NTM: variants seen among roughly 807,000 people sequenced by gnomAD.
NTM encodes neurotrimin.
NTM carries 13 observed loss-of-function variants against 42.1 expected under a neutral mutation model. That is an observed-to-expected ratio of 0.31 (90% CI 0.20 to 0.49). NTM has a LOEUF of 0.49. Ranked by LOEUF, NTM falls within the 20% of genes least tolerant of loss-of-function variation. The pLI, the probability that NTM is intolerant of heterozygous loss-of-function variation, is 0.99. For synonymous variants in NTM, 187 were observed against 179.2 expected, an observed-to-expected ratio of 1.04 and a Z score of -0.35; for missense variants, 373 against 452.8, an observed-to-expected ratio of 0.82 and a Z score of 1.60.
chr11:132,215,197 C>G (rs890677757), intron 4 of NTM, among the ~76,000 whole-genome samples: 8 of 152,224 alleles, frequency 5.3e-5, no homozygotes, highest in African/African-American at 1.9e-4. Context: ...TTGTGTCATT[C>G]TTCGAGGGTA....
chr11:132,010,535 C>A (rs2071911278), intron 2 of NTM, among the ~76,000 whole-genome samples: 1 of 151,930 alleles, frequency 6.6e-6, no homozygotes, highest in Non-Finnish European at 1.5e-5. Context: ...CTTGAGCAAA[C>A]CTTAATGAAT....
chr11:131,973,822 A>T (rs762066642), intron 2 of NTM, among the ~76,000 whole-genome samples: 11 of 152,162 alleles, frequency 7.2e-5, no homozygotes, highest in Non-Finnish European at 1.0e-4. Flanking sequence ...GTCTGAGAAA[A>T]ACAACAACGA....
intron 1 of NTM, among the ~76,000 whole-genome samples, chr11:131,821,022 A>G (rs910312776): frequency 2.3e-5 from 3 of 132,828 alleles, no homozygotes; most frequent in African/African-American, 3.6e-5. Flanking sequence ...ATGCCTCCAA[A>G]GGGTTTTTTT....
intron 1 of NTM, among the ~76,000 whole-genome samples, chr11:131,781,124 TAA>T (rs1381358378): frequency 6.6e-6 from 1 of 152,080 alleles, no homozygotes; most frequent in Non-Finnish European, 1.5e-5. Flanking sequence ...AGACTGATTT[TAA>T]AAGAGAGCTC....
At chr11:131,772,533 A>G (rs929758357) in intron 1 of NTM, among the ~76,000 whole-genome samples, 1 of 152,212 alleles carries the variant, frequency 6.6e-6, no homozygotes, top group Non-Finnish European at 1.5e-5. Flanking sequence ...AAGGACAACC[A>G]GCAAGAAAAC....
At chr11:131,633,782 T>A (rs1481368814) in intron 1 of NTM, among the ~76,000 whole-genome samples, 2 of 86,732 alleles carry the variant, frequency 2.3e-5, no homozygotes, top group African/African-American at 6.7e-5. Context: ...TCTCTCTCTC[T>A]CTCTCTCACA....
chr11:132,335,055 C>T lies in NTM; in HGVS notation c.977C>T (p.Ala326Val), dbSNP rs1388071693. The change falls in exon 9 of 9, where the codon GCC becomes GTC. Residue 326 changes from alanine (A) to valine (V), a missense_variant. By Grantham distance (64) the Ala-to-Val change is moderately conservative (BLOSUM62 0). Coordinates refer to ENST00000683400, the MANE Select transcript of NTM (RefSeq NM_001352005.2). The stretch of plus-strand genomic sequence containing the variant: ...TGTGTTCTCTCCACAGGTCCAGGCG[C>T]CGTCAGCGAGGTGAGCAACGGCACG... Reference protein sequence around the residue: ...TALTPWKGPGAVSEVSNGTSR... With the variant: ...TALTPWKGPGVVSEVSNGTSR... The T allele has an allele frequency of 6.2e-7, 1 of 1,612,116 alleles. No homozygotes were observed. The highest frequency in any genetic ancestry group is 2.2e-5 in the East Asian group (1 of 44,826).
chr11:131,494,869 G>A (rs1023254787), intron 1 of NTM, among the ~76,000 whole-genome samples: 1 of 152,194 alleles, frequency 6.6e-6, no homozygotes. Flanking sequence ...GTGGGTGGAG[G>A]CAGCTCTGGG....
chr11:132,217,967 G>T (rs909775357), intron 4 of NTM, among the ~76,000 whole-genome samples: 1 of 152,038 alleles, frequency 6.6e-6, no homozygotes. Flanking sequence ...GCACTAATTG[G>T]CACTAGAGGT....
At chr11:132,019,149 ATTTT>A (rs530484583) in intron 2 of NTM, among the ~76,000 whole-genome samples, 1 of 149,942 alleles carries the variant, frequency 6.7e-6, no homozygotes, top group Non-Finnish European at 1.5e-5. Context: ...ACTTTCCCTA[ATTTT>A]TTTGTTTTTT....
chr11:132,279,033 T>C (rs1033414264), intron 4 of NTM, among the ~76,000 whole-genome samples: 2 of 152,182 alleles, frequency 1.3e-5, no homozygotes, highest in Non-Finnish European at 2.9e-5. Flanking sequence ...ATCATCCAAA[T>C]GGAATGCAAC....
At chr11:132,126,403 C>T (rs993587964) in intron 2 of NTM, among the ~76,000 whole-genome samples, 4 of 152,030 alleles carry the variant, frequency 2.6e-5, no homozygotes, top group Non-Finnish European at 1.5e-5. Context: ...TTCCATCACC[C>T]CCTTCTTTTC....
chr11:132,278,837 T>C (rs191157018), intron 4 of NTM, among the ~76,000 whole-genome samples: 23 of 151,428 alleles, frequency 1.5e-4, no homozygotes, highest in African/African-American at 4.1e-4. Context: ...AGATCCTTTC[T>C]TTGTTCACTC....
intron 4 of NTM, among the ~76,000 whole-genome samples, chr11:132,272,395 C>T (rs2093524309): frequency 6.6e-6 from 1 of 152,078 alleles, no homozygotes; most frequent in South Asian, 2.1e-4. Context: ...TTATCATCAG[C>T]TTGTCAATCT....
intron 3 of NTM, among the ~76,000 whole-genome samples, chr11:132,184,395 C>G (rs1379076951): frequency 6.6e-6 from 1 of 152,154 alleles, no homozygotes; most frequent in Non-Finnish European, 1.5e-5. Context: ...GTGCACTGCC[C>G]CAGTTCCTAC....
At chr11:131,741,187 G>GAGAA (rs1306514636) in intron 1 of NTM, among the ~76,000 whole-genome samples, 1 of 151,546 alleles carries the variant, frequency 6.6e-6, no homozygotes, top group Non-Finnish European at 1.5e-5. Context: ...GAGAGAGAGA[G>GAGAA]AGAGAGAGAG....
intron 1 of NTM, among the ~76,000 whole-genome samples, chr11:131,670,015 G>A (rs950889298): frequency 2.0e-5 from 3 of 152,178 alleles, no homozygotes; most frequent in African/African-American, 7.2e-5. Context: ...AGCTGCTTTT[G>A]TTTTGAAGGC....
intron 1 of NTM, among the ~76,000 whole-genome samples, chr11:131,542,288 A>G (rs1416908974): frequency 1.3e-5 from 2 of 152,200 alleles, no homozygotes; most frequent in African/African-American, 4.8e-5. Context: ...CAAGTGCCTA[A>G]CAGGTCACTA....
intron 1 of NTM, among the ~76,000 whole-genome samples, chr11:131,488,697 G>A (rs1954457208): frequency 6.6e-6 from 1 of 152,106 alleles, no homozygotes; most frequent in African/African-American, 2.4e-5. Flanking sequence ...TTCTTATGTG[G>A]AAAATATATT....
Sources: allele counts gnomAD v4.1 joint callset (sites outside exome capture counted in the v4.1 genomes callset), GRCh38; gene constraint gnomAD v4.1.1; transcripts MANE v1.5; gene names NCBI Gene and HGNC (gene_info 2026-07-23, HGNC 2026-07-21).